TMEM135: variants seen among roughly 807,000 people sequenced by gnomAD.
The protein encoded by TMEM135 is peroxisomal membrane protein 52.
A neutral mutation model predicts 60.3 loss-of-function variants in TMEM135; 30 were observed. The ratio of observed to expected loss-of-function variants is 0.50; its 90% CI spans 0.37 to 0.68. The LOEUF is 0.68. TMEM135 is among the 30% of genes least tolerant of loss of function. The pLI is 0.00. For missense variants in TMEM135, 468 were observed against 548.8 expected (o/e 0.85, Z 1.47); for synonymous variants, 190 against 186.7 (o/e 1.02, Z -0.14).
chr11:87,215,370 G>A (rs949060809), intron 5 of TMEM135, among the ~76,000 whole-genome samples: 1 of 152,158 alleles, frequency 6.6e-6, no homozygotes, highest in Non-Finnish European at 1.5e-5. Context: ...TCAGTAATTT[G>A]GTCAGGGCTT....
intron 5 of TMEM135, among the ~76,000 whole-genome samples, chr11:87,186,550 A>G (rs1386944750): frequency 5.9e-5 from 9 of 152,180 alleles, no homozygotes; most frequent in African/African-American, 2.2e-4. Context: ...TGTGGGATTT[A>G]GTTTTCCCCT....
intron 4 of TMEM135, among the ~76,000 whole-genome samples, chr11:87,127,758 C>T (rs1282607070): frequency 2.0e-5 from 3 of 152,098 alleles, no homozygotes; most frequent in Admixed American, 6.5e-5. Context: ...GGTGCTTTGG[C>T]ACCTTTTTCA....
chr11:87,143,048 C>A (rs967821336), intron 4 of TMEM135, among the ~76,000 whole-genome samples: 9 of 151,908 alleles, frequency 5.9e-5, no homozygotes, highest in African/African-American at 2.2e-4. Context: ...TTTCTGGTAT[C>A]TATCTTCAAG....
chr11:87,196,114 C>G (rs928260797), intron 5 of TMEM135, among the ~76,000 whole-genome samples: 1 of 151,946 alleles, frequency 6.6e-6, no homozygotes, highest in African/African-American at 2.4e-5. Context: ...GAAAACAAAC[C>G]AGTTTTTAAA....
chr11:87,062,058 T>C (rs1565425238), intron 1 of TMEM135, among the ~76,000 whole-genome samples: 1 of 152,032 alleles, frequency 6.6e-6, no homozygotes, highest in Non-Finnish European at 1.5e-5. Context: ...TAGGCTGGAG[T>C]ACGGTGGCAC....
intron 4 of TMEM135, chr11:87,095,571 G>T: frequency 4.9e-6 from 1 of 203,780 alleles, no homozygotes; most frequent in Non-Finnish European, 1.1e-5. Context: ...AAGATAATCT[G>T]CATGAATCTC....
intron 1 of TMEM135, among the ~76,000 whole-genome samples, chr11:87,038,718 G>A (rs1949726285): frequency 6.7e-6 from 1 of 149,458 alleles, no homozygotes; most frequent in Admixed American, 6.7e-5. Flanking sequence ...TGGGGGTTTT[G>A]CAAGTGTTTT....
At chr11:87,167,986 A>T (rs1181749995) in intron 5 of TMEM135, among the ~76,000 whole-genome samples, 1 of 152,004 alleles carries the variant, frequency 6.6e-6, no homozygotes, top group Non-Finnish European at 1.5e-5. Flanking sequence ...TCAATTTCAG[A>T]ACTTGTTATT....
At chr11:87,153,586 A>C (rs985813202) in intron 4 of TMEM135, among the ~76,000 whole-genome samples, 1 of 152,138 alleles carries the variant, frequency 6.6e-6, no homozygotes, top group African/African-American at 2.4e-5. Context: ...CTTCTACCTC[A>C]TTGTTATTCA....
intron 5 of TMEM135, among the ~76,000 whole-genome samples, chr11:87,177,296 G>C (rs1017389501): frequency 6.6e-6 from 1 of 152,032 alleles, no homozygotes; most frequent in African/African-American, 2.4e-5. Context: ...ATAGAGTTCT[G>C]TATATCTAAT....
At chr11:87,067,667 T>G (rs1856692736) in intron 1 of TMEM135, 27 bp from the exon 2 acceptor site, 2 of 1,612,616 alleles carry the variant, frequency 1.2e-6, no homozygotes, top group Non-Finnish European at 1.7e-6. Context: ...TTGGTTGGAT[T>G]AAACAAAAAA....
At chr11:87,116,135 G>A (rs1857874258) in intron 4 of TMEM135, among the ~76,000 whole-genome samples, 1 of 152,026 alleles carries the variant, frequency 6.6e-6, no homozygotes, top group Non-Finnish European at 1.5e-5. Flanking sequence ...TGGCCAATGA[G>A]ATGTGTAAAC....
intron 4 of TMEM135, among the ~76,000 whole-genome samples, chr11:87,109,278 G>A (rs555779456): frequency 2.1e-4 from 32 of 152,228 alleles, no homozygotes; most frequent in African/African-American, 7.7e-4. Flanking sequence ...CTAGACACAT[G>A]ATGTTTTTCC....
At chr11:87,279,479 T>C (rs1942022393) in intron 6 of TMEM135, among the ~76,000 whole-genome samples, 1 of 152,216 alleles carries the variant, frequency 6.6e-6, no homozygotes, top group African/African-American at 2.4e-5. Flanking sequence ...ATAACATTTC[T>C]TGAGTGCTTA....
chr11:87,319,626 A>G (rs1942788561), intron 14 of TMEM135, among the ~76,000 whole-genome samples: 2 of 151,168 alleles, frequency 1.3e-5, no homozygotes, highest in African/African-American at 4.9e-5. Context: ...TGCTACATAA[A>G]TACTTAAGTC....
intron 1 of TMEM135, 87 bp downstream of exon 1, chr11:87,038,273 G>A: frequency 6.4e-7 from 1 of 1,573,386 alleles, no homozygotes; most frequent in African/African-American, 1.4e-5. Flanking sequence ...GGGCTCTGGG[G>A]GACTTGCCTT....
At chr11:87,315,452 TTC>T (rs1177512595) in intron 12 of TMEM135, among the ~76,000 whole-genome samples, 1 of 151,922 alleles carries the variant, frequency 6.6e-6, no homozygotes, top group African/African-American at 2.4e-5. Context: ...AAATGTCTGG[TTC>T]TCTCTCTTTT....
chr11:87,276,665 ATTTTTTT>A (rs11340916), intron 6 of TMEM135, among the ~76,000 whole-genome samples: 8 of 115,638 alleles, frequency 6.9e-5, no homozygotes, highest in Admixed American at 3.0e-4. Flanking sequence ...GTGTTTGTGA[ATTTTTTT>A]TTTTTTTTTT....
At chr11:87,201,439 G>A (rs761852021) in intron 5 of TMEM135, among the ~76,000 whole-genome samples, 1 of 152,082 alleles carries the variant, frequency 6.6e-6, no homozygotes, top group Non-Finnish European at 1.5e-5. Context: ...CTAAGGTCTC[G>A]TAGATGCAGT....
Sources: allele counts gnomAD v4.1 joint callset (sites outside exome capture counted in the v4.1 genomes callset), GRCh38; gene constraint gnomAD v4.1.1; transcripts MANE v1.5; gene names NCBI Gene and HGNC (gene_info 2026-07-23, HGNC 2026-07-21).